IGSF21: variants seen among roughly 807,000 people sequenced by gnomAD.
IGSF21 encodes immunoglobin superfamily member 21.
A neutral mutation model predicts 46.8 loss-of-function variants in IGSF21; 28 were observed. The observed-to-expected ratio is 0.60, with a 90% CI of 0.44 to 0.82. The LOEUF (loss-of-function observed/expected upper bound fraction) is 0.82. IGSF21 is among the 40% of genes least tolerant of loss of function. The pLI is 0.00. For missense variants in IGSF21, 624 were observed against 665.5 expected (o/e 0.94, Z 0.69); for synonymous variants, 284 against 273.6 (o/e 1.04, Z -0.38).
At chr1:18,304,213 T>G (rs1172113991) in intron 3 of IGSF21, among the ~76,000 whole-genome samples, 2 of 152,166 alleles carry the variant, frequency 1.3e-5, no homozygotes, top group African/African-American at 4.8e-5. Context: ...AGGTGACTGA[T>G]GAAGACTTGC....
At chr1:18,225,081 T>A (rs868504797) in intron 1 of IGSF21, among the ~76,000 whole-genome samples, 1,104 of 31,086 alleles carry the variant, frequency 0.036, 20 homozygotes, top group African/African-American at 0.06. Context: ...TCTCTCTCTC[T>A]CTCTCACACA....
intron 3 of IGSF21, among the ~76,000 whole-genome samples, chr1:18,326,504 C>T (rs1243117559): frequency 6.6e-6 from 1 of 152,192 alleles, no homozygotes; most frequent in Non-Finnish European, 1.5e-5. Flanking sequence ...AAATGAAAAG[C>T]CTCTCTCATC....
chr1:18,312,276 A>C (rs1374642478), intron 3 of IGSF21, among the ~76,000 whole-genome samples: 2 of 152,238 alleles, frequency 1.3e-5, no homozygotes, highest in Non-Finnish European at 2.9e-5. Context: ...AATAGCATCT[A>C]CTGGCAGGAG....
intron 3 of IGSF21, among the ~76,000 whole-genome samples, chr1:18,333,865 G>A (rs2124605296): frequency 6.6e-6 from 1 of 152,248 alleles, no homozygotes; most frequent in South Asian, 2.1e-4. Flanking sequence ...TGTGAACTGA[G>A]AATGCTTTTT....
chr1:18,190,935 C>A (rs1404364607), intron 1 of IGSF21, among the ~76,000 whole-genome samples: 1 of 152,096 alleles, frequency 6.6e-6, no homozygotes, highest in Non-Finnish European at 1.5e-5. Context: ...GGTGGAGGAG[C>A]TGGGGGGCAT....
intron 6 of IGSF21, among the ~76,000 whole-genome samples, chr1:18,370,178 A>C (rs1392045803): frequency 6.6e-6 from 1 of 152,100 alleles, no homozygotes; most frequent in Admixed American, 6.5e-5. Context: ...CTTTCACCCT[A>C]TCCTATTTCC....
rs766575681 is a variant in IGSF21, at chr1:18,378,322, C to A, written c.1400C>A (p.Thr467Lys). The part of the protein sequence containing the change: ...VLALTVILEL[T>K] ...GCCCTGACAGTGATTCTGGAGCTGA[C>A]GTGAAGGCACCCGCCCCGGCCACTC... The change falls in exon 10 of 10, where the codon ACG becomes AAG. Residue 467 changes from threonine to lysine, a missense_variant. Physicochemically the swap from Thr to Lys is moderately conservative, Grantham distance 78. Coordinates refer to ENST00000251296, the MANE Select transcript of IGSF21 (RefSeq NM_032880.5). 3 of 1,612,394 alleles carry A rather than the reference C, an allele frequency of 1.9e-6. No homozygotes were observed. Among genetic ancestry groups the A allele is most frequent in the East Asian group, 2.2e-5 (1 of 44,796 alleles).
chr1:18,255,266 C>G (rs2084880376), intron 2 of IGSF21, among the ~76,000 whole-genome samples: 1 of 152,172 alleles, frequency 6.6e-6, no homozygotes. Context: ...CCCCTGGGTA[C>G]CTGCTCATTA....
intron 2 of IGSF21, among the ~76,000 whole-genome samples, chr1:18,234,844 A>G (rs1043310388): frequency 2.0e-5 from 3 of 151,860 alleles, no homozygotes; most frequent in Non-Finnish European, 1.5e-5. Flanking sequence ...CTTTAATTCA[A>G]CCCCAAGGAA....
At chr1:18,313,602 T>A (rs2085512283) in intron 3 of IGSF21, among the ~76,000 whole-genome samples, 2 of 152,234 alleles carry the variant, frequency 1.3e-5, no homozygotes, top group African/African-American at 4.8e-5. Flanking sequence ...GAATACCTGC[T>A]GTGAGCCAGA....
chr1:18,242,762 G>A (rs2124519454), intron 2 of IGSF21, among the ~76,000 whole-genome samples: 1 of 152,310 alleles, frequency 6.6e-6, no homozygotes, highest in East Asian at 1.9e-4. Flanking sequence ...TCTAATTTAG[G>A]GAAGTCTCCA....
intron 2 of IGSF21, among the ~76,000 whole-genome samples, chr1:18,287,667 T>A (rs1359711411): frequency 6.6e-6 from 1 of 152,172 alleles, no homozygotes; most frequent in African/African-American, 2.4e-5. Flanking sequence ...ACTGGCACCA[T>A]GGGAGCCTCT....
At chr1:18,138,986 G>A (rs1200926816) in intron 1 of IGSF21, among the ~76,000 whole-genome samples, 1 of 152,202 alleles carries the variant, frequency 6.6e-6, no homozygotes, top group Non-Finnish European at 1.5e-5. Flanking sequence ...CTGAGTGCCA[G>A]CCAGTGTGCT....
At chr1:18,255,242 C>T (rs1427948208) in intron 2 of IGSF21, among the ~76,000 whole-genome samples, 1 of 152,218 alleles carries the variant, frequency 6.6e-6, no homozygotes, top group Non-Finnish European at 1.5e-5. Flanking sequence ...TAAAGCCAAA[C>T]TTCACTCTGC....
chr1:18,333,684 G>A (rs1016212652), intron 3 of IGSF21, among the ~76,000 whole-genome samples: 2 of 152,148 alleles, frequency 1.3e-5, no homozygotes, highest in Non-Finnish European at 2.9e-5. Context: ...TTTCAATATA[G>A]AAGGGAGGAA....
chr1:18,232,615 C>G (rs2084639041), intron 2 of IGSF21, among the ~76,000 whole-genome samples: 2 of 152,198 alleles, frequency 1.3e-5, no homozygotes. Context: ...TGTAGGCACA[C>G]CCTCCTCCAT....
intron 2 of IGSF21, among the ~76,000 whole-genome samples, chr1:18,247,140 C>T (rs939045629): frequency 1.1e-4 from 17 of 151,398 alleles, no homozygotes; most frequent in African/African-American, 4.1e-4. Flanking sequence ...GACTTTGAAC[C>T]CAGTGCTTCT....
At chr1:18,370,427 G>A (rs558960947) in intron 6 of IGSF21, among the ~76,000 whole-genome samples, 3 of 152,158 alleles carry the variant, frequency 2.0e-5, no homozygotes, top group Non-Finnish European at 4.4e-5. Flanking sequence ...CTGGACCCCT[G>A]CCTCGCACAC....
intron 4 of IGSF21, among the ~76,000 whole-genome samples, chr1:18,349,376 G>T (rs2085926859): frequency 6.6e-6 from 1 of 152,118 alleles, no homozygotes; most frequent in South Asian, 2.1e-4. Context: ...GGAGGACTAG[G>T]GTGCAAGCTA....
Sources: gnomAD v4.1 joint callset for allele counts (sites outside exome capture counted in the v4.1 genomes callset) on GRCh38, gnomAD v4.1.1 for gene constraint, MANE v1.5 for transcripts, NCBI Gene and HGNC (gene_info 2026-07-23, HGNC 2026-07-21) for gene names.